HNF4A: variants seen among roughly 807,000 people sequenced by gnomAD.
HNF4A encodes the protein hepatocyte nuclear factor 4 alpha.
Under a neutral mutation model 52.4 loss-of-function variants are expected in HNF4A, and 15 were observed. The ratio of observed to expected loss-of-function variants is 0.29; its 90% CI spans 0.19 to 0.44. HNF4A has a LOEUF of 0.44. HNF4A is among the 20% of genes least tolerant of loss of function. HNF4A has a pLI of 1.00. For missense variants in HNF4A, 479 were observed against 647.2 expected, an observed-to-expected ratio of 0.74 and a Z score of 2.82; for synonymous variants, 280 against 264.4, an observed-to-expected ratio of 1.06 and a Z score of -0.57.
At chr20:44,386,212 G>A (rs1354971221) in intron 1 of HNF4A, among the ~76,000 whole-genome samples, 1 of 139,476 alleles carries the variant, frequency 7.2e-6, no homozygotes, top group East Asian at 2.1e-4. Context: ...TTGTTAACCA[G>A]GCTGGAGTGC....
chr20:44,426,117 G>C (rs1445565338), intron 8 of HNF4A, among the ~76,000 whole-genome samples: 1 of 152,194 alleles, frequency 6.6e-6, no homozygotes, highest in South Asian at 2.1e-4. Flanking sequence ...AAGAAGACTG[G>C]CCAGAGGGGT....
intron 7 of HNF4A, among the ~76,000 whole-genome samples, chr20:44,422,573 T>C (rs6031593): frequency 0.55 from 83,028 of 151,406 alleles, 23,081 homozygotes; most frequent in Middle Eastern, 0.67. Flanking sequence ...AGTTCCTTTC[T>C]AGGCTAAGGA....
chr20:44,384,578 T>G (rs1221782671), intron 1 of HNF4A: 1 of 152,158 alleles, frequency 6.6e-6, no homozygotes, highest in Non-Finnish European at 1.5e-5. Flanking sequence ...GTGGAACGAT[T>G]CATATCTATA....
chr20:44,356,991 T>C (rs2062865818), intron 1 of HNF4A, among the ~76,000 whole-genome samples: 2 of 152,042 alleles, frequency 1.3e-5, no homozygotes, highest in African/African-American at 4.8e-5. Context: ...GTGGATGCCG[T>C]GGGGAACAAG....
intron 1 of HNF4A, among the ~76,000 whole-genome samples, chr20:44,405,599 C>T (rs1412348463): frequency 3.3e-5 from 5 of 152,218 alleles, no homozygotes; most frequent in African/African-American, 9.7e-5. Context: ...AAGTCTTTCT[C>T]GTTCCTCAGA....
chr20:44,359,952 C>T (rs943218869), intron 1 of HNF4A, among the ~76,000 whole-genome samples: 1 of 152,190 alleles, frequency 6.6e-6, no homozygotes, highest in African/African-American at 2.4e-5. Flanking sequence ...TATCTGTGTG[C>T]TAACCTGACT....
At chr20:44,423,884 G>A (rs1398987954) in intron 7 of HNF4A, 134 bp from the exon 8 acceptor site, 2 of 763,144 alleles carry the variant, frequency 2.6e-6, no homozygotes, top group African/African-American at 3.5e-5. Flanking sequence ...TGGTTGTTGA[G>A]GTCCCTGAAT....
rs1600734203 is a variant in HNF4A, at chr20:44,419,827, C to G, written c.843C>G (p.Ile281Met). The change falls in exon 7 of 10, where the codon ATC becomes ATG. Residue 281 changes from isoleucine (I) to methionine (M), a missense_variant. This residue lies in a region of HNF4A where 389 missense variants were observed against 525.1 expected (regional missense o/e 0.74). Transcript: ENST00000316099. ...TGCTGCCCTTCCAGGAGCTGCAGAT[C>G]GATGACAATGAGTATGCCTACCTCA... 5 of 1,613,922 alleles carry G rather than the reference C, an allele frequency of 3.1e-6. No homozygotes were observed. The highest frequency in any genetic ancestry group is 4.2e-6 in the Non-Finnish European group (5 of 1,179,972).
chr20:44,381,112 T>G (rs193018052), intron 1 of HNF4A, among the ~76,000 whole-genome samples: 1 of 152,302 alleles, frequency 6.6e-6, no homozygotes, highest in African/African-American at 2.4e-5. Flanking sequence ...AGCTTGGGCT[T>G]AATACTTCCA....
intron 3 of HNF4A, among the ~76,000 whole-genome samples, chr20:44,412,839 G>A (rs1451499124): frequency 6.6e-6 from 1 of 152,146 alleles, no homozygotes; most frequent in African/African-American, 2.4e-5. Flanking sequence ...CCGGCTGGCA[G>A]GGAAATGCCT....
chr20:44,416,116 A>G (rs2063660681), intron 5 of HNF4A, among the ~76,000 whole-genome samples: 1 of 152,198 alleles, frequency 6.6e-6, no homozygotes, highest in South Asian at 2.1e-4. Context: ...ACAATCATTA[A>G]CACACCACCC....
At chr20:44,407,551 G>C (rs1351948200) in intron 3 of HNF4A, 76 bp downstream of exon 3, 1 of 1,007,062 alleles carries the variant, frequency 9.9e-7, no homozygotes, top group Non-Finnish European at 1.5e-6. Flanking sequence ...ATTTACAACT[G>C]TAGCCACACT....
Position 44,429,957 on chromosome 20 carries a change from C to T in HNF4A, c.*292C>T, listed in dbSNP as rs979021010. On this transcript the variant is annotated 3_prime_UTR_variant, in exon 10 of 10. Transcript: ENST00000316099. ...TTCACCTTCATCCATGTCCAACCCCCGACTTCATCCCAAAGGACAGCCGCC... is the reference window on the plus strand; with the variant it reads ...TTCACCTTCATCCATGTCCAACCCCTGACTTCATCCCAAAGGACAGCCGCC... The T allele has an allele frequency of 2.8e-5, 12 of 434,186 alleles. No individual in the cohort carries two copies. The highest frequency in any genetic ancestry group is 2.9e-5 in the Non-Finnish European group (7 of 239,972). 26.9% of individuals were successfully genotyped at this position (434,186 alleles called of 1,614,324 possible).
At chr20:44,398,953 T>G (rs750370672), upstream of HNF4A, among the ~76,000 whole-genome samples, 3 of 152,248 alleles carry the variant, frequency 2.0e-5, no homozygotes, top group Non-Finnish European at 4.4e-5. Context: ...CATGTATTCC[T>G]GGATTGTGTG....
chr20:44,374,774 T>C (rs949159473), intron 1 of HNF4A, among the ~76,000 whole-genome samples: 1 of 152,248 alleles, frequency 6.6e-6, no homozygotes, highest in African/African-American at 2.4e-5. Flanking sequence ...GATGTCTTTC[T>C]ATTGTGAATA....
In HNF4A at chr20:44,367,503, G is replaced by C. The variant is rs543986567; in HGVS notation, c.49+11650G>C. Among the ~76,000 whole-genome samples, 38 of 146,838 alleles carry C rather than the reference G, an allele frequency of 2.6e-4. No homozygotes were observed. The South Asian group carries it at 6.3e-3, about 24-fold the overall frequency. On this transcript the variant is annotated intron_variant, in intron 1 of 9. Coordinates refer to the HNF4A transcript ENST00000316673. ...TACTAAAATTACAAAAATTAGCTGGGTGTGGCACATGGCTGTAGTCCCAGC... is the reference window on the plus strand; with the variant it reads ...TACTAAAATTACAAAAATTAGCTGGCTGTGGCACATGGCTGTAGTCCCAGC...
chr20:44,397,879 G>A (rs1407942689), upstream of HNF4A, among the ~76,000 whole-genome samples: 1 of 151,984 alleles, frequency 6.6e-6, no homozygotes, highest in Admixed American at 6.6e-5. Context: ...TGCCTGCCTC[G>A]GCCTCCCAAG....
chr20:44,361,550 C>T (rs1285088327), intron 1 of HNF4A, among the ~76,000 whole-genome samples: 1 of 152,136 alleles, frequency 6.6e-6, no homozygotes, highest in Non-Finnish European at 1.5e-5. Flanking sequence ...AATCCCAGCA[C>T]TTTGGGAGGC....
chr20:44,369,507 A>G (rs1217737022), intron 1 of HNF4A, among the ~76,000 whole-genome samples: 3 of 152,128 alleles, frequency 2.0e-5, no homozygotes, highest in Non-Finnish European at 4.4e-5. Flanking sequence ...ATTTCAAACA[A>G]TCTCAAATGT....
Sources: allele counts gnomAD v4.1 joint callset (sites outside exome capture counted in the v4.1 genomes callset), GRCh38; gene constraint gnomAD v4.1.1; regional missense constraint gnomAD v4.1.1; transcripts MANE v1.5; gene names NCBI Gene and HGNC (gene_info 2026-07-23, HGNC 2026-07-21).